The following MRTFA variants were observed in gnomAD, a reference collection of about 807,000 sequenced individuals.
The protein encoded by MRTFA is myocardin-related transcription factor A.
MRTFA carries 20 observed loss-of-function variants against 83.5 expected under a neutral mutation model. That is an observed-to-expected ratio of 0.24 (90% CI 0.17 to 0.35). The LOEUF is 0.35. MRTFA is among the 10% of genes least tolerant of loss of function. MRTFA has a pLI of 1.00. For missense variants in MRTFA, 1,200 were observed against 1,224.7 expected, an observed-to-expected ratio of 0.98 and a Z score of 0.30; for synonymous variants, 659 against 541.2, an observed-to-expected ratio of 1.22 and a Z score of -3.02.
chr22:40,546,525 C>G (rs934221150), intron 3 of MRTFA, among the ~76,000 whole-genome samples: 6 of 152,182 alleles, frequency 3.9e-5, no homozygotes, highest in Non-Finnish European at 7.4e-5. Context: ...CTTATTTGAT[C>G]TGCAACAAAA....
intron 2 of MRTFA, among the ~76,000 whole-genome samples, chr22:40,558,394 A>T (rs1226947634): frequency 6.6e-6 from 1 of 151,598 alleles, no homozygotes; most frequent in African/African-American, 2.4e-5. Context: ...GGAATGAGCC[A>T]CTGTGCCTCG....
At chr22:40,482,953 AG>A (rs1431752801) in intron 3 of MRTFA, among the ~76,000 whole-genome samples, 3 of 152,100 alleles carry the variant, frequency 2.0e-5, no homozygotes, top group African/African-American at 7.2e-5. Context: ...CAACACAGGG[AG>A]ACAACATCTG....
chr22:40,599,127 A>G (rs1300032207), intron 1 of MRTFA, among the ~76,000 whole-genome samples: 1 of 151,848 alleles, frequency 6.6e-6, no homozygotes, highest in East Asian at 1.9e-4. Flanking sequence ...GAGAAACCCC[A>G]TCTCTACTAA....
Position 40,571,026 on chromosome 22 carries a change from CAAAAAAAAAA to C in MRTFA, c.-21-18669_-21-18660del, listed in dbSNP as rs71199292. The stretch of plus-strand genomic sequence containing the variant: ...GCAACATAGTGAATCCCTGTCTCTA[CAAAAAAAAAA>C]AAAAAAAAAAAAAAAAAAAAAAATT... On this transcript the variant is annotated intron_variant, in intron 2 of 14. Transcript: ENST00000355630. Among the ~76,000 whole-genome samples, 414 of 46,674 alleles carry C rather than the reference CAAAAAAAAAA, an allele frequency of 8.9e-3. 2 individuals carry two copies. Among genetic ancestry groups the C allele is most frequent in the African/African-American group, 0.034 (369 of 10,812 alleles). The allele number at this position is 46,674 out of a possible 152,430, so 30.6% of individuals were successfully genotyped here. A position where few individuals can be genotyped will look rare whatever the true frequency, so the allele number is the denominator to read the frequency against.
At chr22:40,459,830 C>CATATATACATATATATATATATATAT (rs1555973837) in intron 4 of MRTFA, among the ~76,000 whole-genome samples, 6 of 86,952 alleles carry the variant, frequency 6.9e-5, no homozygotes, top group Admixed American at 1.3e-4. Flanking sequence ...CACATATATA[C>CATATATACATATATATATATATATAT]ATATATATAT....
intron 1 of MRTFA, among the ~76,000 whole-genome samples, chr22:40,621,564 A>G (rs190672194): frequency 6.6e-6 from 1 of 152,298 alleles, no homozygotes; most frequent in East Asian, 1.9e-4. Flanking sequence ...TCACAATATG[A>G]ATGTACTTAA....
intron 2 of MRTFA, among the ~76,000 whole-genome samples, chr22:40,572,373 G>C (rs1332924051): frequency 1.3e-5 from 2 of 152,090 alleles, no homozygotes; most frequent in African/African-American, 2.4e-5. Context: ...TACTTGAAAG[G>C]TTGAGGTCTG....
chr22:40,617,717 ACT>A (rs2056469959), intron 1 of MRTFA, among the ~76,000 whole-genome samples: 1 of 134,800 alleles, frequency 7.4e-6, no homozygotes, highest in Admixed American at 7.6e-5. Flanking sequence ...ACAGAGCAAG[ACT>A]CTGTCTCAAA....
Position 40,519,636 on chromosome 22 carries a change from G to C in MRTFA, c.241+32470C>G, listed in dbSNP as rs760931193. ...TTCTGTTGTACATAAAAGCAAAAAA[G>C]AAATAAAAGCAATAGAATGTTCCAT... is the stretch of plus-strand genomic sequence containing the variant. On this transcript the variant is annotated intron_variant, in intron 3 of 14. Coordinates refer to ENST00000355630, the MANE Select transcript of MRTFA (RefSeq NM_020831.6). 7.1e-6 allele frequency: 9 copies of C among 1,275,332 alleles called. No individual in the cohort carries two copies. In the East Asian group the frequency reaches 1.3e-4, roughly 18 times the overall value. The allele number at this position is 1,275,332 out of a possible 1,614,324, so 79.0% of individuals were successfully genotyped here.
intron 4 of MRTFA, among the ~76,000 whole-genome samples, chr22:40,454,748 C>A (rs1306052337): frequency 6.6e-6 from 1 of 152,140 alleles, no homozygotes; most frequent in Non-Finnish European, 1.5e-5. Context: ...AGTAACAGAG[C>A]AAGGTCTAAG....
chr22:40,589,631 C>T (rs890275884), intron 2 of MRTFA, among the ~76,000 whole-genome samples: 3 of 152,136 alleles, frequency 2.0e-5, no homozygotes, highest in Non-Finnish European at 2.9e-5. Flanking sequence ...TACTAAAGTA[C>T]AACTGTGAAA....
rs111980859 is a variant in MRTFA, at chr22:40,604,217, G to A, written c.-83-9482C>T. ...ACCATCTCGGCTCACTGCAAGCTCC[G>A]CCTCCCAGGTTCACGCCATTCTCCT... On this transcript the variant is annotated intron_variant, in intron 1 of 14. Coordinates refer to ENST00000355630, the MANE Select transcript of MRTFA (RefSeq NM_020831.6). Among the ~76,000 whole-genome samples the A allele has an allele frequency of 8.4e-3, 1,254 of 150,116 alleles. 28 individuals are homozygous for A. The highest frequency in any genetic ancestry group is 0.073 in the Middle Eastern group (21 of 286).
chr22:40,506,018 G>C (rs566607567), intron 3 of MRTFA, among the ~76,000 whole-genome samples: 9 of 152,322 alleles, frequency 5.9e-5, no homozygotes, highest in African/African-American at 2.2e-4. Context: ...TGGATCAACA[G>C]GTCAGAAGAT....
intron 1 of MRTFA, among the ~76,000 whole-genome samples, chr22:40,610,557 G>A (rs1255209596): frequency 6.6e-6 from 1 of 152,038 alleles, no homozygotes; most frequent in Non-Finnish European, 1.5e-5. Flanking sequence ...CCTTTTCAGG[G>A]GAATGTGCCA....
At chr22:40,587,736 G>A in intron 2 of MRTFA, 1 of 330,730 alleles carries the variant, frequency 3.0e-6, no homozygotes, top group Non-Finnish European at 6.0e-6. Flanking sequence ...AAAGCACCCT[G>A]GCCAAAAGAG....
At chr22:40,470,425 T>TCAG (rs2053889811) in intron 3 of MRTFA, among the ~76,000 whole-genome samples, 2 of 150,918 alleles carry the variant, frequency 1.3e-5, no homozygotes, top group South Asian at 4.2e-4. Flanking sequence ...TATCAAAATT[T>TCAG]CTGGAATACA....
chr22:40,587,723 CCAAAAG>C (rs1308067239), intron 2 of MRTFA: 2 of 330,294 alleles, frequency 6.1e-6, no homozygotes, highest in Non-Finnish European at 1.2e-5. Flanking sequence ...ACAGATATTT[CCAAAAG>C]CACCCTGGCC....
chr22:40,608,404 T>G (rs1234212831), intron 1 of MRTFA, among the ~76,000 whole-genome samples: 1 of 152,176 alleles, frequency 6.6e-6, no homozygotes, highest in Non-Finnish European at 1.5e-5. Flanking sequence ...CGTAGCTGAT[T>G]AGTGACAGAT....
At chr22:40,455,279 C>T (rs558478120) in intron 4 of MRTFA, among the ~76,000 whole-genome samples, 12 of 152,266 alleles carry the variant, frequency 7.9e-5, no homozygotes, top group Non-Finnish European at 1.2e-4. Flanking sequence ...AGAAATAGTT[C>T]TATCTTCACT....
Sources: gnomAD v4.1 joint callset for allele counts (sites outside exome capture counted in the v4.1 genomes callset) on GRCh38, gnomAD v4.1.1 for gene constraint, MANE v1.5 for transcripts, NCBI Gene and HGNC (gene_info 2026-07-23, HGNC 2026-07-21) for gene names.